Variants in ROBO2 observed in about 807,000 individuals in gnomAD.
ROBO2 encodes roundabout guidance receptor 2.
ROBO2 carries 53 observed loss-of-function variants against 160.8 expected under a neutral mutation model. The observed-to-expected ratio is 0.33, with a 90% CI of 0.26 to 0.41. The LOEUF is 0.41. Ranked by LOEUF, ROBO2 falls within the 10% of genes least tolerant of loss-of-function variation. The pLI, the probability that ROBO2 is intolerant of heterozygous loss-of-function variation, is 1.00. For synonymous variants in ROBO2, 664 were observed against 611.7 expected (o/e 1.09, Z -1.26); for missense variants, 1,577 against 1,722.4 (o/e 0.92, Z 1.49).
chr3:76,171,980 G>C (rs548649017), intron 2 of ROBO2, among the ~76,000 whole-genome samples: 1 of 152,118 alleles, frequency 6.6e-6, no homozygotes, highest in South Asian at 2.1e-4. Flanking sequence ...ACATACCCAA[G>C]TCTTCAAGAG....
intron 2 of ROBO2, among the ~76,000 whole-genome samples, chr3:76,524,832 A>C (rs2081850099): frequency 1.4e-5 from 1 of 73,454 alleles, no homozygotes; most frequent in Non-Finnish European, 2.3e-5. Context: ...TTCCTAAAAA[A>C]AAAAAAAAAA....
At chr3:76,356,771 C>A (rs1345462753) in intron 2 of ROBO2, among the ~76,000 whole-genome samples, 2 of 151,716 alleles carry the variant, frequency 1.3e-5, no homozygotes, top group African/African-American at 4.8e-5. Context: ...ACTTTATTGA[C>A]TTTTATTTAA....
At chr3:76,970,476 G>A (rs1015448231) in intron 2 of ROBO2, among the ~76,000 whole-genome samples, 2 of 152,122 alleles carry the variant, frequency 1.3e-5, no homozygotes, top group African/African-American at 2.4e-5. Flanking sequence ...TACATGAAAA[G>A]CTAATGTCTT....
intron 2 of ROBO2, among the ~76,000 whole-genome samples, chr3:76,300,333 CA>C (rs34287005): frequency 0.069 from 10,259 of 148,194 alleles, 421 homozygotes; most frequent in African/African-American, 0.12. Context: ...AGGTCTGTGT[CA>C]AAAAAAAAAT....
chr3:76,126,838 T>A (rs2071007964), intron 2 of ROBO2, among the ~76,000 whole-genome samples: 1 of 152,134 alleles, frequency 6.6e-6, no homozygotes, highest in Non-Finnish European at 1.5e-5. Context: ...TGTGTTTAAG[T>A]TTAGTACCTG....
intron 1 of ROBO2, among the ~76,000 whole-genome samples, chr3:77,053,985 C>G (rs2065468433): frequency 6.6e-6 from 1 of 152,156 alleles, no homozygotes; most frequent in African/African-American, 2.4e-5. Flanking sequence ...TAGGGAGATT[C>G]TCTTTCAATG....
In ROBO2 at chr3:76,214,185, A is replaced by T. The variant is rs1484626026; in HGVS notation, c.109+276583A>T. Among the ~76,000 whole-genome samples the T allele has an allele frequency of 2.0e-5, 3 of 152,224 alleles. No individual in the cohort carries two copies. The East Asian group carries it at 5.8e-4, about 29-fold the overall frequency. On this transcript the variant is annotated intron_variant, in intron 2 of 26. Coordinates refer to the ROBO2 transcript ENST00000487694. ...TTCAAATAAAGACAATAGCAATGTG[A>T]TAATTTCTCCAGCATGATACAACAG...
intron 2 of ROBO2, among the ~76,000 whole-genome samples, chr3:76,189,567 G>A (rs1701916109): frequency 6.6e-6 from 1 of 151,816 alleles, no homozygotes; most frequent in South Asian, 2.1e-4. Flanking sequence ...TACAAAACAG[G>A]GTAAAATATA....
intron 2 of ROBO2, among the ~76,000 whole-genome samples, chr3:76,999,994 T>C (rs2061252835): frequency 6.6e-6 from 1 of 152,148 alleles, no homozygotes; most frequent in South Asian, 2.1e-4. Flanking sequence ...TCCTGGTAAA[T>C]TTCTGGCTCT....
chr3:75,950,230 A>G (rs993678868), intron 2 of ROBO2, among the ~76,000 whole-genome samples: 8 of 152,208 alleles, frequency 5.3e-5, no homozygotes, highest in African/African-American at 1.9e-4. Context: ...AAATTCAATA[A>G]AATATTAAAG....
chr3:77,166,291 A>T (rs1269429688), intron 2 of ROBO2, among the ~76,000 whole-genome samples: 3 of 152,140 alleles, frequency 2.0e-5, no homozygotes, highest in Admixed American at 2.0e-4. Context: ...AGAAAAAAGA[A>T]AGAAACATTC....
chr3:76,523,605 A>G (rs1301380361), intron 2 of ROBO2, among the ~76,000 whole-genome samples: 1 of 152,046 alleles, frequency 6.6e-6, no homozygotes, highest in African/African-American at 2.4e-5. Context: ...TTCACTCTCC[A>G]ACACACCAGA....
At chr3:76,256,798 G>T (rs1424126553) in intron 2 of ROBO2, among the ~76,000 whole-genome samples, 4 of 152,018 alleles carry the variant, frequency 2.6e-5, no homozygotes, top group African/African-American at 4.8e-5. Context: ...TCATGGTTCT[G>T]CAGGCTTCAT....
intron 1 of ROBO2, among the ~76,000 whole-genome samples, chr3:77,060,963 T>A (rs2066241666): frequency 6.6e-6 from 1 of 151,362 alleles, no homozygotes; most frequent in African/African-American, 2.4e-5. Context: ...AGAGACAGGG[T>A]CTTGCCCCGT....
chr3:75,916,995 A>T (rs1559749302), intron 1 of ROBO2, among the ~76,000 whole-genome samples: 1 of 3,470 alleles, frequency 2.9e-4, no homozygotes, highest in Non-Finnish European at 1.0e-3. Flanking sequence ...ATATATATAC[A>T]CACACACATA....
chr3:76,913,355 G>GGC (rs2076108355), intron 2 of ROBO2, among the ~76,000 whole-genome samples: 1 of 152,108 alleles, frequency 6.6e-6, no homozygotes, highest in Non-Finnish European at 1.5e-5. Flanking sequence ...GCCATTCTAA[G>GGC]GGCATAGCAT....
intron 2 of ROBO2, among the ~76,000 whole-genome samples, chr3:77,218,376 CTTT>C (rs199847608): frequency 7.1e-6 from 1 of 140,244 alleles, no homozygotes. Flanking sequence ...TGAAATTATA[CTTT>C]TTTTTTTTTT....
intron 2 of ROBO2, among the ~76,000 whole-genome samples, chr3:77,370,988 AG>A (rs1464258144): frequency 6.6e-6 from 1 of 152,154 alleles, no homozygotes; most frequent in Non-Finnish European, 1.5e-5. Flanking sequence ...TCGGTCTTCA[AG>A]GGGTGGAAAG....
At chr3:76,177,963 C>G (rs2073289254) in intron 2 of ROBO2, among the ~76,000 whole-genome samples, 1 of 152,050 alleles carries the variant, frequency 6.6e-6, no homozygotes. Flanking sequence ...TGTGCTACGT[C>G]TAAAGGTATG....
Sources: allele counts gnomAD v4.1 joint callset (sites outside exome capture counted in the v4.1 genomes callset), GRCh38; gene constraint gnomAD v4.1.1; transcripts MANE v1.5; gene names NCBI Gene and HGNC (gene_info 2026-07-23, HGNC 2026-07-21).